The following NPM1 variants were observed in gnomAD, a reference collection of about 807,000 sequenced individuals.
The protein encoded by NPM1 is nucleophosmin 1, also known as nucleophosmin.
Under a neutral mutation model 44.1 loss-of-function variants are expected in NPM1, and 1 was observed. The observed-to-expected ratio is 0.02, with a 90% CI of 0.01 to 0.11. The LOEUF is 0.11. Ranked by LOEUF, NPM1 falls within the 10% of genes least tolerant of loss-of-function variation. The probability of loss-of-function intolerance (pLI) is 1.00; values close to 1 mark genes in which losing one functional copy is unlikely to be tolerated. For missense variants in NPM1, 197 were observed against 347.8 expected (o/e 0.57, Z 3.45); for synonymous variants, 126 against 111.8 (o/e 1.13, Z -0.80).
At chr5:171,391,239 T>A (rs2113166489) in intron 2 of NPM1, 66 bp from the exon 3 acceptor site, 1 of 1,566,508 alleles carries the variant, frequency 6.4e-7, no homozygotes, top group South Asian at 1.2e-5. Flanking sequence ...GCATATAACA[T>A]TTAGTGGGGG....
intron 10 of NPM1, among the ~76,000 whole-genome samples, chr5:171,410,003 C>T (rs570303078): frequency 7.2e-5 from 11 of 152,146 alleles, no homozygotes; most frequent in Admixed American, 5.9e-4. Context: ...ACCATGTTGC[C>T]CAGGCTGGTC....
chr5:171,392,458 C>T (rs896901380), intron 4 of NPM1, among the ~76,000 whole-genome samples: 20 of 150,342 alleles, frequency 1.3e-4, no homozygotes, highest in Admixed American at 9.9e-4. Flanking sequence ...TCAAGTGGTC[C>T]GCCTTGGCCT....
At chr5:171,408,352 C>T (rs375647091) in intron 10 of NPM1, among the ~76,000 whole-genome samples, 2 of 152,204 alleles carry the variant, frequency 1.3e-5, no homozygotes, top group African/African-American at 4.8e-5. Flanking sequence ...ACAGTTGACT[C>T]ATAAGTGTAA....
intron 1 of NPM1, among the ~76,000 whole-genome samples, 173 bp downstream of exon 1, chr5:171,388,179 C>T (rs897888688): frequency 2.6e-5 from 4 of 151,650 alleles, no homozygotes; most frequent in African/African-American, 9.7e-5. Flanking sequence ...GGATTGGAGC[C>T]GCGGGGGGAG....
At chr5:171,407,917 A>G (rs1771654494) in intron 10 of NPM1, 143 bp downstream of exon 10, 1 of 606,078 alleles carries the variant, frequency 1.6e-6, no homozygotes. Context: ...ATACCTGAAA[A>G]CTCATGTATT....
In NPM1 at chr5:171,387,884, C is replaced by G. The variant is rs533273568; in HGVS notation, c.-65C>G. On this transcript the variant is annotated 5_prime_UTR_variant, in exon 1 of 11. Coordinates refer to ENST00000296930, the MANE Select transcript of NPM1 (RefSeq NM_002520.7). Reference sequence around the variant, plus strand: ...TGTGATTCCGTCCTGCGCGGTTGTTCTCTGGAGCAGCGTTCTTTTATCTCC... The same window carrying G: ...TGTGATTCCGTCCTGCGCGGTTGTTGTCTGGAGCAGCGTTCTTTTATCTCC... The G allele has an allele frequency of 3.2e-5, 48 of 1,499,392 alleles. No individual in the cohort carries two copies. Among genetic ancestry groups the G allele is most frequent in the Non-Finnish European group, 4.1e-5 (44 of 1,078,462 alleles). 92.9% of individuals were successfully genotyped at this position (1,499,392 alleles called of 1,614,324 possible).
chr5:171,392,738 T>C lies in NPM1; in HGVS notation c.381T>C (p.Asp127=), dbSNP rs200558908. 32 of 1,612,950 alleles carry C rather than the reference T, an allele frequency of 2.0e-5. No individual in the cohort carries two copies. The highest frequency in any genetic ancestry group is 2.6e-5 in the Non-Finnish European group (31 of 1,179,140). Residue 127 remains aspartate, a synonymous_variant, in exon 5 of 11, where the codon GAT becomes GAC. Coordinates refer to ENST00000296930, the MANE Select transcript of NPM1 (RefSeq NM_002520.7). ...VAVEEDAESE[D]EEEEDVKLLS... ...TGGAGGAAGATGCAGAGTCAGAAGA[T>C]GAAGAGGAGGAGGATGTGAAACTCT...
intron 10 of NPM1, among the ~76,000 whole-genome samples, chr5:171,408,151 T>TTC (rs1486903621): frequency 6.6e-6 from 1 of 151,678 alleles, no homozygotes; most frequent in East Asian, 1.9e-4. Context: ...AGAGATCTTT[T>TTC]TTTTTTTTTT....
intron 1 of NPM1, 150 bp from the exon 2 acceptor site, chr5:171,389,901 A>G (rs928036806): frequency 4.9e-6 from 3 of 610,798 alleles, no homozygotes; most frequent in Non-Finnish European, 8.6e-6. Flanking sequence ...TGTTCAAGAA[A>G]TCTAGGAATT....
intron 6 of NPM1, among the ~76,000 whole-genome samples, chr5:171,394,391 CT>C (rs1350122393): frequency 6.6e-6 from 1 of 152,094 alleles, no homozygotes; most frequent in Non-Finnish European, 1.5e-5. Flanking sequence ...CTAGGCTATT[CT>C]CAAACTCCTA....
chr5:171,409,875 A>G (rs1023707901), intron 10 of NPM1, among the ~76,000 whole-genome samples: 2 of 151,332 alleles, frequency 1.3e-5, no homozygotes, highest in Admixed American at 6.6e-5. Context: ...GCTCACTGCA[A>G]CCTCTGCCTC....
intron 10 of NPM1, among the ~76,000 whole-genome samples, chr5:171,409,467 G>A (rs1439889044): frequency 1.3e-5 from 2 of 152,120 alleles, no homozygotes; most frequent in Non-Finnish European, 2.9e-5. Flanking sequence ...CAGGAGGATC[G>A]CTTGAACCTG....
Position 171,390,067 on chromosome 5 carries a change from C to G in NPM1, c.75C>G (p.Ala25=), listed in dbSNP as rs1431865728. 6.3e-7 allele frequency: 1 copy of G among 1,579,330 alleles called. No individual in the cohort carries two copies. Among genetic ancestry groups the G allele is most frequent in the East Asian group, 2.3e-5 (1 of 43,552 alleles). The change falls in exon 2 of 11, where the codon GCC becomes GCG. Residue 25 remains alanine, a synonymous_variant. Transcript: ENST00000296930. ...CATTTACAGGTTGTGAACTAAAGGCCGACAAAGATTATCACTTTAAGGTGG... is the reference window on the plus strand; with the variant it reads ...CATTTACAGGTTGTGAACTAAAGGCGGACAAAGATTATCACTTTAAGGTGG... ...QNYLFGCELK[A]DKDYHFKVDN...
intron 1 of NPM1, 63 bp from the exon 2 acceptor site, chr5:171,389,987 AC>A (rs1411856120): frequency 1.1e-5 from 11 of 967,402 alleles, no homozygotes; most frequent in Non-Finnish European, 1.8e-5. Context: ...CTTTTTGGTT[AC>A]CCACACTTAA....
intron 9 of NPM1, chr5:171,405,829 CTA>C (rs1447600104): frequency 5.1e-6 from 1 of 194,306 alleles, no homozygotes; most frequent in Admixed American, 5.8e-5. Flanking sequence ...ATGATTGACC[CTA>C]GTCAGAAGTG....
intron 6 of NPM1, among the ~76,000 whole-genome samples, 188 bp downstream of exon 6, chr5:171,393,166 A>G (rs1770680126): frequency 6.6e-6 from 1 of 152,180 alleles, no homozygotes; most frequent in South Asian, 2.1e-4. Context: ...TTGAAAGGAT[A>G]TTGGGTCTGT....
At chr5:171,388,333 G>GT in intron 1 of NPM1, among the ~76,000 whole-genome samples, 1 of 152,334 alleles carries the variant, frequency 6.6e-6, no homozygotes, top group Middle Eastern at 3.4e-3. Context: ...TCCAGGCGTG[G>GT]TTTATTTTCT....
intron 2 of NPM1, 157 bp downstream of exon 2, chr5:171,390,287 T>C (rs1183870251): frequency 4.1e-6 from 2 of 482,964 alleles, no homozygotes; most frequent in Non-Finnish European, 7.2e-6. Context: ...CTGTACATCT[T>C]TGAAGAACTT....
intron 1 of NPM1, 127 bp from the exon 2 acceptor site, chr5:171,389,924 T>A: frequency 1.6e-6 from 1 of 634,922 alleles, no homozygotes; most frequent in Non-Finnish European, 2.8e-6. Context: ...TCATTCTGCT[T>A]TGCCCTCTGG....
Sources: allele counts gnomAD v4.1 joint callset (sites outside exome capture counted in the v4.1 genomes callset), GRCh38; gene constraint gnomAD v4.1.1; transcripts MANE v1.5; gene names NCBI Gene and HGNC (gene_info 2026-07-23, HGNC 2026-07-21).